OR51V1: variants seen among roughly 807,000 people sequenced by gnomAD.
OR51V1 encodes the protein olfactory receptor 51V1.
Under a neutral mutation model 16.3 loss-of-function variants are expected in OR51V1, and 16 were observed. That is an observed-to-expected ratio of 0.98 (90% CI 0.67 to 1.49). The LOEUF is 1.49. OR51V1 is among the 40% of genes most tolerant of loss of function. The pLI, the probability that OR51V1 is intolerant of heterozygous loss-of-function variation, is 0.00. For synonymous variants in OR51V1, 189 were observed against 142.2 expected, an observed-to-expected ratio of 1.33 and a Z score of -2.34; for missense variants, 469 against 380.4, an observed-to-expected ratio of 1.23 and a Z score of -1.94.
chr11:5,200,524 C>G lies in OR51V1; in HGVS notation c.159G>C (p.Trp53Cys), dbSNP rs61738413. ...TAGGCTGGTGCAGGCTTGGCTCAGT[C>G]CATATCACATGGAGAACCATGCAAT... Reference protein sequence around the residue: ...LGNCMVLHVIWTEPSLHQPMF... With the variant: ...LGNCMVLHVICTEPSLHQPMF... The change falls in exon 1 of 1, where the codon TGG (tryptophan) becomes TGC (cysteine). Residue 53 changes from tryptophan (W) to cysteine (C), a missense_variant. Trp to Cys is a radical substitution (Grantham distance 215). Transcript: ENST00000641270. 6,893 of 1,613,834 alleles carry G rather than the reference C, an allele frequency of 4.3e-3. 261 individuals carry two copies. In the African/African-American group the frequency reaches 0.077, roughly 18 times the overall value.
Position 5,200,126 on chromosome 11 carries a change from T to C in OR51V1, c.557A>G (p.Asp186Gly), listed in dbSNP as rs1386646059. ...ILSHSFCLHQDLLRLACSDIR... is the reference protein window; with the variant it reads ...ILSHSFCLHQGLLRLACSDIR... ...GTCTGAACAGGCTAAGCGGAGAAGA[T>C]CCTGGTGCAGGCAGAAAGAGTGAGA... The change falls in exon 1 of 1, where the codon GAT (aspartate) becomes GGT (glycine). Residue 186 changes from aspartate (D) to glycine (G), a missense_variant. Transcript: ENST00000641270. 1 of 1,613,822 alleles carries C rather than the reference T, an allele frequency of 6.2e-7. No individual in the cohort carries two copies. Among genetic ancestry groups the C allele is most frequent in the East Asian group, 2.2e-5 (1 of 44,872 alleles).
At position 5,200,662 on chromosome 11, in the gene OR51V1, A is replaced by G. The variant is rs145244038; in HGVS notation, c.21T>C (p.Pro7=). The G allele has an allele frequency of 3.6e-5, 58 of 1,607,806 alleles. No homozygotes were observed. The highest frequency in any genetic ancestry group is 8.4e-5 in the Admixed American group (5 of 59,542). Residue 7 remains proline, a synonymous_variant, in exon 1 of 1, where the codon CCT becomes CCC. Transcript: ENST00000641270. The part of the protein sequence containing the change: MITSVS[P]STSTNSSFLL... The stretch of plus-strand genomic sequence containing the variant: ...GAAAGGAAGAATTCGTGCTGGTGCT[A>G]GGGCTTACTGAAGTAATCATTCTGG...
Position 5,199,751 on chromosome 11 carries a change from G to A in OR51V1, c.932C>T (p.Ser311Phe), listed in dbSNP as rs761936696. The change falls in exon 1 of 1, where the codon TCT (serine) becomes TTT (phenylalanine). Residue 311 changes from serine (S) to phenylalanine (F), a missense_variant. Coordinates refer to ENST00000641270, the MANE Select transcript of OR51V1 (RefSeq NM_001004760.3). ...CAATATCTCTCAATATCTTTTCAGA[G>A]AAAAGAGTCTAAGCATTCTGGTATG... ...QIHTRMLRLFSLKRY is the reference protein window; with the variant it reads ...QIHTRMLRLFFLKRY The A allele has an allele frequency of 6.3e-7, 1 of 1,597,252 alleles. No individual in the cohort carries two copies. The highest frequency in any genetic ancestry group is 8.6e-7 in the Non-Finnish European group (1 of 1,169,306).
Position 5,200,573 on chromosome 11 carries a change from A to C in OR51V1, c.110T>G (p.Ile37Ser). ...YPWLSIPFSSIYAMVLLGNCM... is the reference protein window; with the variant it reads ...YPWLSIPFSSSYAMVLLGNCM... ...ATTGCCCAAAAGCACCATGGCATAG[A>C]TTGAGGAGAAGGGGATGGAAAGCCA... Residue 37 changes from isoleucine (I) to serine (S), a missense_variant, in exon 1 of 1, where the codon ATC becomes AGC. Physicochemically the swap from Ile to Ser is moderately radical, Grantham distance 142 (BLOSUM62 -2). Coordinates refer to ENST00000641270, the MANE Select transcript of OR51V1 (RefSeq NM_001004760.3). 3 of 1,613,914 alleles carry C rather than the reference A, an allele frequency of 1.9e-6. No individual in the cohort carries two copies. The highest frequency in any genetic ancestry group is 2.5e-6 in the Non-Finnish European group (3 of 1,179,804).
Position 5,200,642 on chromosome 11 carries a change from G to A in OR51V1, c.41C>T (p.Ser14Phe). 6.2e-7 allele frequency: 1 copy of A among 1,611,418 alleles called. No homozygotes were observed. The highest frequency in any genetic ancestry group is 8.5e-7 in the Non-Finnish European group (1 of 1,177,766). ...SVSPSTSTNSSFLLTGFSGME... is the reference protein window; with the variant it reads ...SVSPSTSTNSFFLLTGFSGME... ...GCCAGAAAATCCAGTGAGAAGAAAG[G>A]AAGAATTCGTGCTGGTGCTAGGGCT... Residue 14 changes from serine to phenylalanine, a missense_variant, in exon 1 of 1, where the codon TCC (serine) becomes TTC (phenylalanine). Ser to Phe is a radical substitution (Grantham distance 155). Transcript: ENST00000641270.
rs568258579 is a variant in OR51V1 at position 5,200,089 on chromosome 11, A to G, written c.594T>C (p.Asn198=). 33 of 1,613,614 alleles carry G rather than the reference A, an allele frequency of 2.0e-5. No individual in the cohort carries two copies. The highest frequency in any genetic ancestry group is 1.5e-4 in the South Asian group (14 of 90,924). ...TAACCAGCATCAGGGCATAGTAACTATTGAATCGGATGTCTGAACAGGCTA... is the reference window on the plus strand; with the variant it reads ...TAACCAGCATCAGGGCATAGTAACTGTTGAATCGGATGTCTGAACAGGCTA... The part of the protein sequence containing the change: ...LRLACSDIRF[N]SYYALMLVIC... The change falls in exon 1 of 1, where the codon AAT becomes AAC. Residue 198 remains asparagine (N), a synonymous_variant. Coordinates refer to ENST00000641270, the MANE Select transcript of OR51V1 (RefSeq NM_001004760.3).
Position 5,199,788 on chromosome 11 carries a change from T to A in OR51V1, c.895A>T (p.Thr299Ser), listed in dbSNP as rs1238270517. Residue 299 changes from threonine (T) to serine (S), a missense_variant, in exon 1 of 1, where the codon ACC becomes TCC. Physicochemically the swap from Thr to Ser is moderately conservative, Grantham distance 58 (BLOSUM62 1). Coordinates refer to ENST00000641270, the MANE Select transcript of OR51V1 (RefSeq NM_001004760.3). ...AGCATTCTGGTATGAATCTGTTGGGTCTTGACACTGTAGATGATGGGATTC... is the reference window on the plus strand; with the variant it reads ...AGCATTCTGGTATGAATCTGTTGGGACTTGACACTGTAGATGATGGGATTC... ...LMNPIIYSVK[T>S]QQIHTRMLRL... The A allele has an allele frequency of 6.2e-7, 1 of 1,613,582 alleles. No homozygotes were observed. Among genetic ancestry groups the A allele is most frequent in the South Asian group, 1.1e-5 (1 of 91,044 alleles).
In OR51V1 at chr11:5,200,475, C is replaced by T; in HGVS notation, c.208G>A (p.Ala70Thr). 1 of 1,613,738 alleles carries T rather than the reference C, an allele frequency of 6.2e-7. No homozygotes were observed. The highest frequency in any genetic ancestry group is 8.5e-7 in the Non-Finnish European group (1 of 1,179,896). ...QPMFYFLSMLALTDLCMGLST... is the reference protein window; with the variant it reads ...QPMFYFLSMLTLTDLCMGLST... ...AGCCCCATGCACAGGTCAGTGAGGG[C>T]CAGCATGGACAGGAAGTAAAACATA... Residue 70 changes from alanine to threonine, a missense_variant, in exon 1 of 1, where the codon GCC becomes ACC. Transcript: ENST00000641270.
Position 5,199,765 on chromosome 11 carries a change from C to A in OR51V1, c.918G>T (p.Met306Ile). The change falls in exon 1 of 1, where the codon ATG becomes ATT. Residue 306 changes from methionine (M) to isoleucine (I), a missense_variant. Coordinates refer to ENST00000641270, the MANE Select transcript of OR51V1 (RefSeq NM_001004760.3). ...SVKTQQIHTR[M>I]LRLFSLKRY ...ATCTTTTCAGAGAAAAGAGTCTAAG[C>A]ATTCTGGTATGAATCTGTTGGGTCT... is the stretch of plus-strand genomic sequence containing the variant. The A allele has an allele frequency of 6.2e-7, 1 of 1,609,504 alleles. No individual in the cohort carries two copies. Among genetic ancestry groups the A allele is most frequent in the Non-Finnish European group, 8.5e-7 (1 of 1,176,888 alleles).
Position 5,199,944 on chromosome 11 carries a change from G to C in OR51V1, c.739C>G (p.His247Asp). 6.2e-7 allele frequency: 1 copy of C among 1,613,852 alleles called. No individual in the cohort carries two copies. Among genetic ancestry groups the C allele is most frequent in the South Asian group, 1.1e-5 (1 of 91,072 alleles). ...RHKLFQTCIS[H>D]ICAVLVFYIP... ...TAGAACACAAGGACAGCACAGATGT[G>C]GGAGATGCAGGTCTGAAATAATTTA... Residue 247 changes from histidine to aspartate, a missense_variant, in exon 1 of 1, where the codon CAC becomes GAC. By Grantham distance (81) the His-to-Asp change is moderately conservative (BLOSUM62 -1). Coordinates refer to ENST00000641270, the MANE Select transcript of OR51V1 (RefSeq NM_001004760.3).
At position 5,199,746 on chromosome 11, in the gene OR51V1, T is replaced by G. The variant is rs1166563426; in HGVS notation, c.937A>C (p.Lys313Gln). The G allele has an allele frequency of 1.3e-6, 2 of 1,593,210 alleles. No homozygotes were observed. Among genetic ancestry groups the G allele is most frequent in the Admixed American group, 1.7e-5 (1 of 57,542 alleles). The change falls in exon 1 of 1, where the codon AAA (lysine) becomes CAA (glutamine). Residue 313 changes from lysine (K) to glutamine (Q), a missense_variant. Coordinates refer to ENST00000641270, the MANE Select transcript of OR51V1 (RefSeq NM_001004760.3). ...HTRMLRLFSLKRY is the reference protein window; with the variant it reads ...HTRMLRLFSLQRY ...CATCTCAATATCTCTCAATATCTTTTCAGAGAAAAGAGTCTAAGCATTCTG... is the reference window on the plus strand; with the variant it reads ...CATCTCAATATCTCTCAATATCTTTGCAGAGAAAAGAGTCTAAGCATTCTG...
At position 5,200,403 on chromosome 11, in the gene OR51V1, C is replaced by T; in HGVS notation, c.280G>A (p.Glu94Lys). ...GCAATGCAGGAATCCAAGCTGATCT[C>T]TCGAATGATCCCCCACAGGATCCCC... ...VLGILWGIIR[E>K]ISLDSCIAQS... The change falls in exon 1 of 1, where the codon GAG (glutamate) becomes AAG (lysine). Residue 94 changes from glutamate to lysine, a missense_variant. Glu to Lys is a moderately conservative substitution (Grantham distance 56). Coordinates refer to ENST00000641270, the MANE Select transcript of OR51V1 (RefSeq NM_001004760.3). The T allele has an allele frequency of 6.2e-7, 1 of 1,613,988 alleles. No homozygotes were observed. The highest frequency in any genetic ancestry group is 8.5e-7 in the Non-Finnish European group (1 of 1,179,942).
At position 5,199,973 on chromosome 11, in the gene OR51V1, C is replaced by T. The variant is rs539325576; in HGVS notation, c.710G>A (p.Arg237Lys). The T allele has an allele frequency of 4.3e-6, 7 of 1,614,092 alleles. No individual in the cohort carries two copies. Among genetic ancestry groups the T allele is most frequent in the Non-Finnish European group, 5.9e-6 (7 of 1,179,980 alleles). Residue 237 changes from arginine (R) to lysine (K), a missense_variant, in exon 1 of 1, where the codon AGG (arginine) becomes AAG (lysine). Physicochemically the swap from Arg to Lys is conservative, Grantham distance 26 (BLOSUM62 2). Coordinates refer to ENST00000641270, the MANE Select transcript of OR51V1 (RefSeq NM_001004760.3). ...SVLAVASQEERHKLFQTCISH... is the reference protein window; with the variant it reads ...SVLAVASQEEKHKLFQTCISH... ...GATGCAGGTCTGAAATAATTTATGCCTCTCTTCCTGAGAGGCAACTGCCAG... is the reference window on the plus strand; with the variant it reads ...GATGCAGGTCTGAAATAATTTATGCTTCTCTTCCTGAGAGGCAACTGCCAG...
chr11:5,200,006 T>G lies in OR51V1; in HGVS notation c.677A>C (p.Lys226Thr). Residue 226 changes from lysine to threonine, a missense_variant, in exon 1 of 1, where the codon AAG becomes ACG. Physicochemically the swap from Lys to Thr is moderately conservative, Grantham distance 78 (BLOSUM62 -1). Coordinates refer to ENST00000641270, the MANE Select transcript of OR51V1 (RefSeq NM_001004760.3). ...CTGAGAGGCAACTGCCAGGACTGACTTAAGAATCAGGATGTAGGAGAAAAG... is the reference window on the plus strand; with the variant it reads ...CTGAGAGGCAACTGCCAGGACTGACGTAAGAATCAGGATGTAGGAGAAAAG... ...LILFSYILILKSVLAVASQEE... is the reference protein window; with the variant it reads ...LILFSYILILTSVLAVASQEE... 1.9e-6 allele frequency: 3 copies of G among 1,613,944 alleles called. No homozygotes were observed. The highest frequency in any genetic ancestry group is 1.7e-6 in the Non-Finnish European group (2 of 1,179,896).
In OR51V1 at chr11:5,200,113, T is replaced by C. The variant is rs199698949; in HGVS notation, c.570A>G (p.Leu190=). The change falls in exon 1 of 1, where the codon TTA becomes TTG. Residue 190 remains leucine, a synonymous_variant. Transcript: ENST00000641270. ...SFCLHQDLLR[L]ACSDIRFNSY... is the part of the protein sequence containing the mutation. ...TATTGAATCGGATGTCTGAACAGGCTAAGCGGAGAAGATCCTGGTGCAGGC... is the reference window on the plus strand; with the variant it reads ...TATTGAATCGGATGTCTGAACAGGCCAAGCGGAGAAGATCCTGGTGCAGGC... 3 of 1,613,898 alleles carry C rather than the reference T, an allele frequency of 1.9e-6. No individual in the cohort carries two copies. The highest frequency in any genetic ancestry group is 2.5e-6 in the Non-Finnish European group (3 of 1,179,816).
rs746867645 is a variant in OR51V1 at position 5,200,598 on chromosome 11, A to G, written c.85T>C (p.Trp29Arg). The change falls in exon 1 of 1, where the codon TGG becomes CGG. Residue 29 changes from tryptophan (W) to arginine (R), a missense_variant. Transcript: ENST00000641270. ...GFSGMEQQYP[W>R]LSIPFSSIYA... The stretch of plus-strand genomic sequence containing the variant: ...ATTGAGGAGAAGGGGATGGAAAGCC[A>G]GGGGTATTGCTGCTCCATGCCAGAA... The G allele has an allele frequency of 1.2e-6, 2 of 1,613,490 alleles. No homozygotes were observed. The highest frequency in any genetic ancestry group is 2.2e-5 in the East Asian group (1 of 44,870).
chr11:5,200,510 A>G lies in OR51V1; in HGVS notation c.173T>C (p.Leu58Pro), dbSNP rs1390645175. The G allele has an allele frequency of 1.2e-6, 2 of 1,613,954 alleles. No individual in the cohort carries two copies. Among genetic ancestry groups the G allele is most frequent in the Non-Finnish European group, 1.7e-6 (2 of 1,179,966 alleles). The change falls in exon 1 of 1, where the codon CTG (leucine) becomes CCG (proline). Residue 58 changes from leucine (L) to proline (P), a missense_variant. Coordinates refer to ENST00000641270, the MANE Select transcript of OR51V1 (RefSeq NM_001004760.3). ...CAGGAAGTAAAACATAGGCTGGTGC[A>G]GGCTTGGCTCAGTCCATATCACATG... ...VLHVIWTEPS[L>P]HQPMFYFLSM...
chr11:5,200,679 T>A lies in OR51V1; in HGVS notation c.4A>T (p.Ile2Phe), dbSNP rs766096898. 1.3e-6 allele frequency: 2 copies of A among 1,596,704 alleles called. No homozygotes were observed. The highest frequency in any genetic ancestry group is 3.4e-5 in the Admixed American group (2 of 58,002). Residue 2 changes from isoleucine to phenylalanine, a missense_variant, in exon 1 of 1, where the codon ATT (isoleucine) becomes TTT (phenylalanine). Ile to Phe is a conservative substitution (Grantham distance 21, BLOSUM62 0). Coordinates refer to ENST00000641270, the MANE Select transcript of OR51V1 (RefSeq NM_001004760.3). ...CTGGTGCTAGGGCTTACTGAAGTAA[T>A]CATTCTGGAACTGAGAAACATGTGA... M[I>F]TSVSPSTSTN...
In OR51V1 at chr11:5,200,058, T is replaced by C; in HGVS notation, c.625A>G (p.Ile209Val). 6.2e-7 allele frequency: 1 copy of C among 1,613,176 alleles called. No individual in the cohort carries two copies. Among genetic ancestry groups the C allele is most frequent in the Non-Finnish European group, 8.5e-7 (1 of 1,179,244 alleles). Residue 209 changes from isoleucine to valine, a missense_variant, in exon 1 of 1, where the codon ATA (isoleucine) becomes GTA (valine). By Grantham distance (29) the Ile-to-Val change is conservative (BLOSUM62 3). Transcript: ENST00000641270. Reference protein sequence around the residue: ...SYYALMLVICILLLDAILILF... With the variant: ...SYYALMLVICVLLLDAILILF... ...ATGAGTATAGCATCCAACAACAGTA[T>C]GCAAATAACCAGCATCAGGGCATAG... is the stretch of plus-strand genomic sequence containing the variant.
Sources: allele counts gnomAD v4.1 joint callset, GRCh38; gene constraint gnomAD v4.1.1; transcripts MANE v1.5; gene names NCBI Gene and HGNC (gene_info 2026-07-23, HGNC 2026-07-21).